The following FGR variants were observed in gnomAD, a reference collection of about 807,000 sequenced individuals.
FGR encodes FGR proto-oncogene, Src family tyrosine kinase.
A neutral mutation model predicts 63.2 loss-of-function variants in FGR; 26 were observed. The observed-to-expected ratio is 0.41, with a 90% CI of 0.30 to 0.57. FGR has a LOEUF of 0.57. FGR is among the 20% of genes least tolerant of loss of function. The pLI, the probability that FGR is intolerant of heterozygous loss-of-function variation, is 0.27. For synonymous variants in FGR, 286 were observed against 277.7 expected (o/e 1.03, Z -0.30); for missense variants, 511 against 690.8 (o/e 0.74, Z 2.92).
In FGR at chr1:27,613,229, G is replaced by A. The variant is rs2089729588; in HGVS notation, c.1371C>T (p.Ile457=). ...LLTELITKGR[I]PYPGMNKREV... ...CCTGGCGAGGCAAACCTGGGTAGGGGATTCGGCCCTTGGTGATGAGCTCAG... is the reference window on the plus strand; with the variant it reads ...CCTGGCGAGGCAAACCTGGGTAGGGAATTCGGCCCTTGGTGATGAGCTCAG... The change falls in exon 12 of 13, where the codon ATC becomes ATT. Residue 457 remains isoleucine, a synonymous_variant. Coordinates refer to ENST00000374005, the MANE Select transcript of FGR (RefSeq NM_005248.3). 6.2e-7 allele frequency: 1 copy of A among 1,613,998 alleles called. No individual in the cohort carries two copies. The highest frequency in any genetic ancestry group is 8.5e-7 in the Non-Finnish European group (1 of 1,179,844).
intron 1 of FGR, among the ~76,000 whole-genome samples, chr1:27,634,036 C>G (rs1294886374): frequency 6.6e-6 from 1 of 152,250 alleles, no homozygotes; most frequent in East Asian, 1.9e-4. Flanking sequence ...AGATCCTCCA[C>G]CCCAGGATCC....
chr1:27,622,624 G>A (rs1198221171), intron 4 of FGR, among the ~76,000 whole-genome samples: 2 of 152,076 alleles, frequency 1.3e-5, no homozygotes, highest in African/African-American at 2.4e-5. Flanking sequence ...TTCTGCCTCA[G>A]CCTCTCAAGT....
In FGR at chr1:27,613,007, C is replaced by T. The variant is rs536587536; in HGVS notation, c.1497G>A (p.Pro499=). 6.8e-6 allele frequency: 11 copies of T among 1,614,210 alleles called. No homozygotes were observed. Among genetic ancestry groups the T allele is most frequent in the South Asian group, 4.4e-5 (4 of 91,086 alleles). The stretch of plus-strand genomic sequence containing the variant: ...GGTACTCGAAGGTAGGCCTCTCCTC[C>T]GGGTCCAGACGCCAGGTCTGTTCCA... ...EAMEQTWRLD[P]EERPTFEYLQ... The change falls in exon 13 of 13, where the codon CCG becomes CCA. Residue 499 remains proline, a synonymous_variant. Transcript: ENST00000374005.
Position 27,617,171 on chromosome 1 carries a change from T to C in FGR, c.532+22A>G, listed in dbSNP as rs1369100287. ...CAATGGCTGGGCCTCCCAGTCGCCT[T>C]GGGGCGTGGCACCACCCCTACCTTT... On this transcript the variant is annotated intron_variant, in intron 6 of 12. Transcript: ENST00000374005. This position sits in a 1 kb window ranked among gnomAD's most constrained non-coding sequence, Gnocchi z 4.5. 2 of 1,609,724 alleles carry C rather than the reference T, an allele frequency of 1.2e-6. No individual in the cohort carries two copies. Among genetic ancestry groups the C allele is most frequent in the Admixed American group, 1.7e-5 (1 of 59,986 alleles).
rs750638129 is a variant in FGR, at chr1:27,612,924, T to G, written c.1580A>C (p.Asp527Ala). 6.2e-7 allele frequency: 1 copy of G among 1,613,702 alleles called. No individual in the cohort carries two copies. The highest frequency in any genetic ancestry group is 8.5e-7 in the Non-Finnish European group (1 of 1,179,884). The stretch of plus-strand genomic sequence containing the variant: ...TGATGCCCGGACAGGCTATGTCTGA[T>G]CCCCGGGCTGGTACTGTGGTTCAGC... ...TSAEPQYQPG[D>A]QT The change falls in exon 13 of 13, where the codon GAT (aspartate) becomes GCT (alanine). Residue 527 changes from aspartate (D) to alanine (A), a missense_variant. Physicochemically the swap from Asp to Ala is moderately radical, Grantham distance 126. Coordinates refer to ENST00000374005, the MANE Select transcript of FGR (RefSeq NM_005248.3).
chr1:27,623,490 A>C, intron 3 of FGR: 1 of 653,968 alleles, frequency 1.5e-6, no homozygotes. Flanking sequence ...GACTGGGAGT[A>C]GAGCTTCTTG....
intron 1 of FGR, among the ~76,000 whole-genome samples, chr1:27,627,012 AT>A (rs377638823): frequency 5.9e-5 from 9 of 151,626 alleles, no homozygotes; most frequent in African/African-American, 2.2e-4. Flanking sequence ...ATAAAAAAAA[AT>A]CTTTTTTTAA....
chr1:27,613,006 C>T lies in FGR; in HGVS notation c.1498G>A (p.Glu500Lys). Residue 500 changes from glutamate (E) to lysine (K), a missense_variant, in exon 13 of 13, where the codon GAG (glutamate) becomes AAG (lysine). By Grantham distance (56) the Glu-to-Lys change is moderately conservative. Coordinates refer to ENST00000374005, the MANE Select transcript of FGR (RefSeq NM_005248.3). ...AMEQTWRLDP[E>K]ERPTFEYLQS... ...AGGTACTCGAAGGTAGGCCTCTCCT[C>T]CGGGTCCAGACGCCAGGTCTGTTCC... 6.2e-7 allele frequency: 1 copy of T among 1,614,232 alleles called. No individual in the cohort carries two copies. The highest frequency in any genetic ancestry group is 8.5e-7 in the Non-Finnish European group (1 of 1,180,030).
At chr1:27,634,294 G>C (rs1317967301) in intron 1 of FGR, among the ~76,000 whole-genome samples, 1 of 152,172 alleles carries the variant, frequency 6.6e-6, no homozygotes, top group East Asian at 1.9e-4. Flanking sequence ...CGCGGGCCGA[G>C]ACCGCCGCGG....
In FGR at chr1:27,612,728, T is replaced by C; in HGVS notation, c.*186A>G. 1 of 601,974 alleles carries C rather than the reference T, an allele frequency of 1.7e-6. No individual in the cohort carries two copies. Among genetic ancestry groups the C allele is most frequent in the Non-Finnish European group, 3.0e-6 (1 of 338,776 alleles). 37.3% of individuals were successfully genotyped at this position (601,974 alleles called of 1,614,324 possible). A position where few individuals can be genotyped will look rare whatever the true frequency, so the allele number is the denominator to read the frequency against. On this transcript the variant is annotated 3_prime_UTR_variant, in exon 13 of 13. Coordinates refer to ENST00000374005, the MANE Select transcript of FGR (RefSeq NM_005248.3). ...GGGCCAGAGCGGATGAGAGATCAGCTCTGGGCCTCCTTTTGCCCCATCTGT... is the reference window on the plus strand; with the variant it reads ...GGGCCAGAGCGGATGAGAGATCAGCCCTGGGCCTCCTTTTGCCCCATCTGT...
Position 27,613,040 on chromosome 1 carries a change from G to A in FGR, c.1464C>T (p.Tyr488=), listed in dbSNP as rs189006292. Residue 488 remains tyrosine (Y), a synonymous_variant, in exon 13 of 13, where the codon TAC becomes TAT. Coordinates refer to ENST00000374005, the MANE Select transcript of FGR (RefSeq NM_005248.3). ...PCPPGCPASL[Y]EAMEQTWRLD... ...GACGCCAGGTCTGTTCCATGGCCTC[G>A]TACAGGGATGCTGGGCAGCCTGGAG... The A allele has an allele frequency of 3.5e-5, 56 of 1,614,200 alleles. No individual in the cohort carries two copies. The highest frequency in any genetic ancestry group is 7.7e-5 in the South Asian group (7 of 91,088).
At chr1:27,621,705 G>C (rs1274781393) in intron 4 of FGR, 48 bp from the exon 5 acceptor site, 2 of 1,365,402 alleles carry the variant, frequency 1.5e-6, no homozygotes, top group Non-Finnish European at 2.1e-6. Flanking sequence ...CAGCCCCCAA[G>C]GCACCCTGAG....
In FGR at chr1:27,623,819, T is replaced by C; in HGVS notation, c.98A>G (p.His33Arg). ...GDFRSYGAAD[H>R]YGPDPTKARP... ...GGCCTTAGTGGGGTCAGGCCCATAG[T>C]GGTCTGCTGCCCCGTAGCTTCTGAA... Residue 33 changes from histidine (H) to arginine (R), a missense_variant, in exon 3 of 13, where the codon CAC becomes CGC. By Grantham distance (29) the His-to-Arg change is conservative. Transcript: ENST00000374005. 6.2e-7 allele frequency: 1 copy of C among 1,614,204 alleles called. No individual in the cohort carries two copies.
rs757459529 is a variant in FGR at position 27,615,065 on chromosome 1, A to T, written c.1019-139T>A. 1.1e-5 allele frequency: 7 copies of T among 629,950 alleles called. No individual in the cohort carries two copies. The highest frequency in any genetic ancestry group is 1.9e-5 in the Non-Finnish European group (7 of 362,326). 39.0% of individuals were successfully genotyped at this position (629,950 alleles called of 1,614,324 possible). ...GACCCCGCGGGTGCCTCAACCCCTC[A>T]CTTGTCTCGTCCTGGCCCTGCTGCC... On this transcript the variant is annotated intron_variant, in intron 9 of 12. Coordinates refer to ENST00000374005, the MANE Select transcript of FGR (RefSeq NM_005248.3). The surrounding 1 kb of genome is among the most constrained non-coding windows in gnomAD (Gnocchi z 7.6).
chr1:27,633,034 G>T (rs1321648589), intron 1 of FGR, among the ~76,000 whole-genome samples: 1 of 152,086 alleles, frequency 6.6e-6, no homozygotes, highest in Non-Finnish European at 1.5e-5. Context: ...TATGCTCAAG[G>T]GTTCATGCTC....
intron 2 of FGR, among the ~76,000 whole-genome samples, chr1:27,624,725 G>A (rs980058419): frequency 1.3e-5 from 2 of 152,110 alleles, no homozygotes; most frequent in African/African-American, 4.8e-5. Context: ...GCCTGTCTGT[G>A]TGAGTGGGTG....
intron 5 of FGR, among the ~76,000 whole-genome samples, chr1:27,619,267 T>C (rs932455084): frequency 3.3e-5 from 5 of 152,334 alleles, no homozygotes; most frequent in Non-Finnish European, 7.3e-5. Context: ...CTCAGCTCAC[T>C]GCAACCTCCA....
intron 1 of FGR, among the ~76,000 whole-genome samples, chr1:27,630,600 C>A (rs2148532240): frequency 6.6e-6 from 1 of 151,002 alleles, no homozygotes; most frequent in East Asian, 1.9e-4. Flanking sequence ...AGAGAGAGAG[C>A]CATATCTGCC....
intron 1 of FGR, chr1:27,626,318 C>T: frequency 5.0e-6 from 2 of 397,822 alleles, no homozygotes; most frequent in Non-Finnish European, 8.9e-6. Flanking sequence ...CCTTGTGAAC[C>T]CTGATTTGCC....
Sources: gnomAD v4.1 joint callset for allele counts (sites outside exome capture counted in the v4.1 genomes callset) on GRCh38, gnomAD v4.1.1 for gene constraint, Gnocchi (gnomAD v3.1) non-coding constraint, MANE v1.5 for transcripts, NCBI Gene and HGNC (gene_info 2026-07-23, HGNC 2026-07-21) for gene names.